The following BRD10 variants were observed in gnomAD, a reference collection of about 807,000 sequenced individuals.
BRD10 encodes bromodomain containing 10, also known as uncharacterized bromodomain-containing protein 10.
the BRD10 span, among the ~76,000 whole-genome samples, chr9:5,953,250 T>C: frequency 6.6e-6 from 1 of 152,140 alleles, no homozygotes; most frequent in Non-Finnish European, 1.5e-5. Flanking sequence ...CTTTTGGTCA[T>C]TAGGTATGAG....
chr9:6,007,434 C>T, the BRD10 span: 1 of 1,606,760 alleles, frequency 6.2e-7, no homozygotes, highest in Non-Finnish European at 8.5e-7. Context: ...CGCTGCGCGG[C>T]CCTTCCGCCA....
chr9:5,932,597 T>C, the BRD10 span, among the ~76,000 whole-genome samples: 1 of 152,148 alleles, frequency 6.6e-6, no homozygotes, highest in Non-Finnish European at 1.5e-5. Context: ...AGGTTATACA[T>C]AAAGACTACA....
At chr9:6,001,230 A>G in the BRD10 span, among the ~76,000 whole-genome samples, 1 of 152,178 alleles carries the variant, frequency 6.6e-6, no homozygotes, top group Admixed American at 6.5e-5. Flanking sequence ...AATTAACTCA[A>G]TAATCTTTTA....
chr9:5,990,196 C>T, the BRD10 span, among the ~76,000 whole-genome samples: 2 of 152,154 alleles, frequency 1.3e-5, no homozygotes, highest in African/African-American at 2.4e-5. Context: ...TAAGGAATTG[C>T]GGACCCAGGG....
chr9:6,008,176 G>A, the BRD10 span: 5 of 974,508 alleles, frequency 5.1e-6, no homozygotes, highest in Non-Finnish European at 6.1e-6. Flanking sequence ...GGGGGGCTGG[G>A]AGGGGGCGAG....
At chr9:5,988,611 A>G in the BRD10 span, 1 of 1,167,794 alleles carries the variant, frequency 8.6e-7, no homozygotes, top group Non-Finnish European at 1.2e-6. Context: ...CCCCTTAGCC[A>G]GCAACTTAAG....
chr9:6,005,961 A>C, the BRD10 span, among the ~76,000 whole-genome samples: 1 of 152,238 alleles, frequency 6.6e-6, no homozygotes, highest in East Asian at 1.9e-4. Context: ...TTTTTGGTGA[A>C]AAAAATCACC....
At chr9:5,953,951 C>G in the BRD10 span, 137 of 876,724 alleles carry the variant, frequency 1.6e-4, 2 homozygotes, top group African/African-American at 2.0e-3. Context: ...GCCAAACTCT[C>G]GAGGAATGAT....
chr9:5,968,058 T>C, the BRD10 span: 2 of 1,544,336 alleles, frequency 1.3e-6, no homozygotes, highest in South Asian at 2.5e-5. Flanking sequence ...TTTTTGATGA[T>C]CAATAACTTA....
chr9:5,926,143 C>T, the BRD10 span, among the ~76,000 whole-genome samples: 3 of 152,056 alleles, frequency 2.0e-5, no homozygotes, highest in East Asian at 3.9e-4. Flanking sequence ...GTCTCAAATT[C>T]CTGACCTCGT....
At chr9:5,918,815 CAAAAAA>C in the BRD10 span, among the ~76,000 whole-genome samples, 2 of 104,878 alleles carry the variant, frequency 1.9e-5, no homozygotes, top group Non-Finnish European at 4.0e-5. Context: ...ACAGGTGAGT[CAAAAAA>C]AAAAAAAAAA....
chr9:5,880,013 G>A, the BRD10 span, among the ~76,000 whole-genome samples: 31 of 151,690 alleles, frequency 2.0e-4, no homozygotes, highest in Non-Finnish European at 3.5e-4. Flanking sequence ...TCCGCCTCCC[G>A]GGTTCCAGAG....
chr9:5,995,310 C>G, the BRD10 span, among the ~76,000 whole-genome samples: 1 of 152,228 alleles, frequency 6.6e-6, no homozygotes, highest in Non-Finnish European at 1.5e-5. Context: ...CATTAACTTC[C>G]TGCTTCTCAA....
chr9:5,894,879 G>A, the BRD10 span, among the ~76,000 whole-genome samples: 41 of 152,292 alleles, frequency 2.7e-4, no homozygotes, highest in African/African-American at 9.6e-4. The surrounding 1 kb of genome is among the most constrained non-coding windows in gnomAD (Gnocchi z 4.0). Context: ...TTGGAGTTGA[G>A]GGACAATGGC....
chr9:5,932,234 C>G, the BRD10 span, among the ~76,000 whole-genome samples: 1 of 151,822 alleles, frequency 6.6e-6, no homozygotes, highest in African/African-American at 2.4e-5. Context: ...TCTGATTGAT[C>G]AACTTTATTC....
the BRD10 span, among the ~76,000 whole-genome samples, chr9:5,926,293 G>T: frequency 1.1e-4 from 17 of 152,026 alleles, no homozygotes; most frequent in Non-Finnish European, 2.9e-5. Context: ...TCACTTACCA[G>T]TTGTAAGACT....
chr9:5,964,213 A>G, the BRD10 span, among the ~76,000 whole-genome samples: 1 of 145,786 alleles, frequency 6.9e-6, no homozygotes, highest in Non-Finnish European at 1.5e-5. Flanking sequence ...TTACAAGAAA[A>G]AAACAAACAA....
chr9:5,884,191 A>AT, the BRD10 span, among the ~76,000 whole-genome samples: 29 of 152,336 alleles, frequency 1.9e-4, no homozygotes, highest in African/African-American at 7.0e-4. Context: ...GTTTTCACAC[A>AT]CAACAATACA....
chr9:5,988,028 G>C, the BRD10 span, among the ~76,000 whole-genome samples: 6 of 152,142 alleles, frequency 3.9e-5, no homozygotes, highest in Non-Finnish European at 8.8e-5. Context: ...TTAAAGGTCT[G>C]TGATTCTGTT....
Sources: gnomAD v4.1 joint callset for allele counts (sites outside exome capture counted in the v4.1 genomes callset) on GRCh38, gnomAD v4.1.1 for gene constraint, Gnocchi (gnomAD v3.1) non-coding constraint, MANE v1.5 for transcripts, NCBI Gene and HGNC (gene_info 2026-07-23, HGNC 2026-07-21) for gene names.